The following ASAP1 variants were observed in gnomAD, a reference collection of about 807,000 sequenced individuals.
The protein encoded by ASAP1 is arf-GAP with SH3 domain, ANK repeat and PH domain-containing protein 1.
ASAP1 carries 43 observed loss-of-function variants against 145.2 expected under a neutral mutation model. That is an observed-to-expected ratio of 0.30 (90% CI 0.23 to 0.38). ASAP1 has a LOEUF of 0.38. Among genes scored for constraint, ASAP1 ranks in the 10% least tolerant of loss-of-function variants. The pLI is 1.00. For synonymous variants in ASAP1, 546 were observed against 515.5 expected (o/e 1.06, Z -0.80); for missense variants, 1,018 against 1,355.3 (o/e 0.75, Z 3.91).
Position 130,052,884 on chromosome 8 carries a change from G to A in ASAP1, c.*1847C>T, listed in dbSNP as rs1801625. 2 of 152,062 alleles carry A rather than the reference G, an allele frequency of 1.3e-5. No homozygotes were observed. The highest frequency in any genetic ancestry group is 2.9e-5 in the Non-Finnish European group (2 of 68,024). 9.4% of individuals were successfully genotyped at this position (152,062 alleles called of 1,614,324 possible). A position where few individuals can be genotyped will look rare whatever the true frequency, so the allele number is the denominator to read the frequency against. On this transcript the variant is annotated 3_prime_UTR_variant, in exon 30 of 30. Transcript: ENST00000518721. The stretch of plus-strand genomic sequence containing the variant: ...CAACCTCAGATGCAGACTTCCATCC[G>A]GACACTGGTGTGGCTTCAGTACCGA...
At chr8:130,173,721 T>C (rs948964484) in intron 9 of ASAP1, among the ~76,000 whole-genome samples, 3 of 150,280 alleles carry the variant, frequency 2.0e-5, no homozygotes, top group Admixed American at 6.6e-5. Context: ...TGAGCTAGGA[T>C]TGTACCACTG....
At chr8:130,376,406 C>T (rs1202834366) in intron 2 of ASAP1, among the ~76,000 whole-genome samples, 1 of 151,458 alleles carries the variant, frequency 6.6e-6, no homozygotes, top group Non-Finnish European at 1.5e-5. Flanking sequence ...GCAAGAAGAG[C>T]ATGGCATTTA....
chr8:130,320,180 T>C (rs141077836), intron 3 of ASAP1, among the ~76,000 whole-genome samples: 2 of 152,336 alleles, frequency 1.3e-5, no homozygotes, highest in East Asian at 3.9e-4. Context: ...CAAAACCAAA[T>C]TTATCATGCC....
intron 6 of ASAP1, among the ~76,000 whole-genome samples, chr8:130,187,769 AG>A (rs1266179360): frequency 6.6e-6 from 1 of 152,168 alleles, no homozygotes; most frequent in African/African-American, 2.4e-5. Flanking sequence ...AGAGGAAAGA[AG>A]GGTAAGCGCC....
chr8:130,381,560 G>A (rs1490855130), intron 2 of ASAP1, among the ~76,000 whole-genome samples: 2 of 152,124 alleles, frequency 1.3e-5, no homozygotes, highest in African/African-American at 4.8e-5. Flanking sequence ...AAAGAGAATG[G>A]AGAATTGTGC....
chr8:130,248,958 T>A (rs916431756), intron 3 of ASAP1, among the ~76,000 whole-genome samples: 2 of 152,092 alleles, frequency 1.3e-5, no homozygotes, highest in Non-Finnish European at 2.9e-5. Context: ...GAAACAGGGG[T>A]CTCACTATGT....
chr8:130,204,916 G>A (rs974444506), intron 5 of ASAP1, among the ~76,000 whole-genome samples: 18 of 152,128 alleles, frequency 1.2e-4, no homozygotes, highest in African/African-American at 4.3e-4. Flanking sequence ...ACAGTATAAA[G>A]ACAAGCTCCT....
chr8:130,255,921 T>TGGAC (rs1360764126), intron 3 of ASAP1, among the ~76,000 whole-genome samples: 1 of 152,190 alleles, frequency 6.6e-6, no homozygotes, highest in African/African-American at 2.4e-5. Flanking sequence ...ATGGCTAATA[T>TGGAC]GGACCCCTGC....
chr8:130,368,689 T>C (rs1827077002), intron 2 of ASAP1, among the ~76,000 whole-genome samples: 2 of 152,228 alleles, frequency 1.3e-5, no homozygotes, highest in African/African-American at 4.8e-5. Flanking sequence ...TAAGACTTAG[T>C]AGGCCTTCAG....
chr8:130,090,492 G>A (rs942660428), intron 25 of ASAP1, among the ~76,000 whole-genome samples: 1 of 152,162 alleles, frequency 6.6e-6, no homozygotes, highest in African/African-American at 2.4e-5. Context: ...CACCTCAATT[G>A]TTCTTGCCTG....
intron 5 of ASAP1, among the ~76,000 whole-genome samples, chr8:130,200,908 G>A (rs182593441): frequency 5.3e-5 from 8 of 152,322 alleles, no homozygotes; most frequent in Admixed American, 5.2e-4. Flanking sequence ...TGAATCTGGA[G>A]AGAAAAACAG....
chr8:130,278,581 T>C (rs983257724), intron 3 of ASAP1, among the ~76,000 whole-genome samples: 1 of 152,228 alleles, frequency 6.6e-6, no homozygotes, highest in African/African-American at 2.4e-5. Context: ...TTTCTCTTTT[T>C]TTCCTTGATG....
chr8:130,382,285 C>T (rs1250045169), intron 2 of ASAP1, among the ~76,000 whole-genome samples: 1 of 73,502 alleles, frequency 1.4e-5, no homozygotes, highest in Admixed American at 1.8e-4. Flanking sequence ...GATTCTGTCT[C>T]AAAAAAAAAA....
At chr8:130,432,433 T>C (rs1423204720) in intron 1 of ASAP1, among the ~76,000 whole-genome samples, 1 of 152,174 alleles carries the variant, frequency 6.6e-6, no homozygotes, top group Non-Finnish European at 1.5e-5. Context: ...AACAGGGTGG[T>C]TGGCTAAAGC....
At chr8:130,273,824 C>T (rs921132013) in intron 3 of ASAP1, among the ~76,000 whole-genome samples, 3 of 152,200 alleles carry the variant, frequency 2.0e-5, no homozygotes, top group South Asian at 4.1e-4. Flanking sequence ...GTTAACACTG[C>T]CCTGTCTGGT....
intron 3 of ASAP1, among the ~76,000 whole-genome samples, chr8:130,351,106 C>G (rs1825968971): frequency 6.6e-6 from 1 of 152,138 alleles, no homozygotes; most frequent in South Asian, 2.1e-4. Flanking sequence ...ATTTTTCTTC[C>G]CTCTCCCAAA....
At chr8:130,347,062 T>C (rs1030192509) in intron 3 of ASAP1, among the ~76,000 whole-genome samples, 15 of 152,212 alleles carry the variant, frequency 9.9e-5, no homozygotes, top group Admixed American at 8.5e-4. Flanking sequence ...GCAGGCTCTG[T>C]TATTTAACAC....
At chr8:130,381,654 T>G (rs1218901316) in intron 2 of ASAP1, among the ~76,000 whole-genome samples, 2 of 152,304 alleles carry the variant, frequency 1.3e-5, no homozygotes, top group Non-Finnish European at 1.5e-5. Flanking sequence ...CTCAAGGCAC[T>G]TAGAATAAAA....
At chr8:130,353,381 G>A (rs998737294) in intron 3 of ASAP1, among the ~76,000 whole-genome samples, 1 of 152,142 alleles carries the variant, frequency 6.6e-6, no homozygotes, top group African/African-American at 2.4e-5. Flanking sequence ...GTATATTTAA[G>A]TATCACTATT....
Sources: allele counts gnomAD v4.1 joint callset (sites outside exome capture counted in the v4.1 genomes callset), GRCh38; gene constraint gnomAD v4.1.1; transcripts MANE v1.5; gene names NCBI Gene and HGNC (gene_info 2026-07-23, HGNC 2026-07-21).